SLC25A15: variants seen among roughly 807,000 people sequenced by gnomAD.
The protein encoded by SLC25A15 is solute carrier family 25 member 15.
SLC25A15 carries 24 observed loss-of-function variants against 32.3 expected under a neutral mutation model. The ratio of observed to expected loss-of-function variants is 0.74; its 90% CI spans 0.54 to 1.04. SLC25A15 has a LOEUF of 1.04. Ranked by LOEUF, SLC25A15 falls within the 50% of genes least tolerant of loss-of-function variation. SLC25A15 has a pLI of 0.00. For missense variants in SLC25A15, 317 were observed against 374.5 expected, an observed-to-expected ratio of 0.85 and a Z score of 1.27; for synonymous variants, 132 against 142.1, an observed-to-expected ratio of 0.93 and a Z score of 0.51.
intron 2 of SLC25A15, among the ~76,000 whole-genome samples, chr13:40,795,237 GTTCTGT>G (rs1456997565): frequency 4.6e-5 from 7 of 152,220 alleles, no homozygotes. Context: ...CTTGGGCTCA[GTTCTGT>G]TTCTGCAGAA....
chr13:40,794,940 C>A (rs901752456), intron 2 of SLC25A15, among the ~76,000 whole-genome samples: 1 of 152,202 alleles, frequency 6.6e-6, no homozygotes, highest in Non-Finnish European at 1.5e-5. Flanking sequence ...ATGAGGAAGA[C>A]TGGAGAGAGC....
intron 4 of SLC25A15, among the ~76,000 whole-genome samples, chr13:40,806,895 A>G (rs1483650429): frequency 6.6e-6 from 1 of 152,250 alleles, no homozygotes; most frequent in African/African-American, 2.4e-5. Flanking sequence ...GTGCTTCTGC[A>G]TAACAGGAGC....
rs1196188088 is a variant in SLC25A15 at position 40,812,068 on chromosome 13, A to G, written c.*2401A>G. On this transcript the variant is annotated 3_prime_UTR_variant, in exon 7 of 7. Coordinates refer to ENST00000338625, the MANE Select transcript of SLC25A15 (RefSeq NM_014252.4). ...CTTTTCTCTCCATACTTAAATGGTC[A>G]GTAGCTACTGAGTGGTGCTTTATCT... 6.6e-6 allele frequency among the ~76,000 whole-genome samples: 1 copy of G among 152,328 alleles called. No homozygotes were observed. The highest frequency in any genetic ancestry group is 3.4e-3 in the Middle Eastern group (1 of 294).
chr13:40,792,839 C>T (rs1593288166), intron 1 of SLC25A15, among the ~76,000 whole-genome samples: 1 of 152,186 alleles, frequency 6.6e-6, no homozygotes, highest in East Asian at 1.9e-4. Context: ...CAACATAGGC[C>T]TCTAAAAAAA....
chr13:40,794,600 G>A (rs1881612861), intron 2 of SLC25A15, among the ~76,000 whole-genome samples: 1 of 152,182 alleles, frequency 6.6e-6, no homozygotes, highest in African/African-American at 2.4e-5. Context: ...AAACAGGGCG[G>A]AATGGGAAGT....
chr13:40,805,029 C>T (rs1025347553), intron 3 of SLC25A15, 89 bp from the exon 4 acceptor site: 4 of 1,549,466 alleles, frequency 2.6e-6, no homozygotes, highest in Middle Eastern at 2.2e-4. Flanking sequence ...CGGCTCCTTA[C>T]CCTGCTTTAT....
rs1200322551 is a variant in SLC25A15 at position 40,792,834 on chromosome 13, T to C, written c.-69-324T>C. On this transcript the variant is annotated intron_variant, in intron 1 of 6. Transcript: ENST00000338625. Reference sequence around the variant, plus strand: ...AGCCTGTTCAATTGATGGCTCAACATAGGCCTCTAAAAAAACAAGTCTGAT... The same window carrying C: ...AGCCTGTTCAATTGATGGCTCAACACAGGCCTCTAAAAAAACAAGTCTGAT... Among the ~76,000 whole-genome samples the C allele has an allele frequency of 3.9e-5, 6 of 152,208 alleles. No individual in the cohort carries two copies. In the East Asian group the frequency reaches 5.8e-4, roughly 15 times the overall value.
At chr13:40,801,107 T>C (rs1566122125) in intron 3 of SLC25A15, among the ~76,000 whole-genome samples, 1 of 151,646 alleles carries the variant, frequency 6.6e-6, no homozygotes, top group Non-Finnish European at 1.5e-5. Context: ...GTAGCACATG[T>C]CTGTGGTCCC....
Position 40,809,608 on chromosome 13 carries a change from CT to C in SLC25A15, c.848del (p.Leu283ProfsTer11). ...TCGAGCATTCCCTGCCAATGGAGCACTCTTTTTGGCCTACGAATATAGCAGG... is the reference window on the plus strand; with the variant it reads ...TCGAGCATTCCCTGCCAATGGAGCACCTTTTTGGCCTACGAATATAGCAGG... ...MIRAFPANGALFLAYEYSRKL... is the reference protein window; with the variant it reads ...MIRAFPANGAXFLAYEYSRKL... On this transcript the variant is annotated frameshift_variant, in exon 7 of 7. Coordinates refer to ENST00000338625, the MANE Select transcript of SLC25A15 (RefSeq NM_014252.4). LOFTEE classifies it high-confidence loss of function. The C allele has an allele frequency of 1.2e-6, 2 of 1,612,408 alleles. No individual in the cohort carries two copies. The highest frequency in any genetic ancestry group is 1.7e-6 in the Non-Finnish European group (2 of 1,179,774).
intron 3 of SLC25A15, among the ~76,000 whole-genome samples, chr13:40,801,076 TACAAA>T (rs1881865811): frequency 2.0e-5 from 3 of 151,664 alleles, no homozygotes; most frequent in African/African-American, 7.3e-5. Context: ...CTACAAAAAA[TACAAA>T]ACTTAGCTGA....
At chr13:40,808,332 C>A in intron 5 of SLC25A15, 106 bp from the exon 6 acceptor site, 1 of 940,424 alleles carries the variant, frequency 1.1e-6, no homozygotes, top group Non-Finnish European at 1.7e-6. Flanking sequence ...GTAGCATTAG[C>A]ATTTTTATTT....
At chr13:40,793,851 A>G (rs1400459522) in intron 2 of SLC25A15, among the ~76,000 whole-genome samples, 1 of 152,266 alleles carries the variant, frequency 6.6e-6, no homozygotes, top group Non-Finnish European at 1.5e-5. Context: ...TGCCCAGTAC[A>G]GCTGGAAAAC....
intron 3 of SLC25A15, 151 bp from the exon 4 acceptor site, chr13:40,804,967 T>C (rs1455095801): frequency 5.7e-6 from 5 of 872,686 alleles, no homozygotes; most frequent in Non-Finnish European, 9.6e-6. Context: ...CAAGTGATCC[T>C]CCCACCTCAG....
intron 2 of SLC25A15, among the ~76,000 whole-genome samples, chr13:40,798,506 G>T (rs1881747331): frequency 6.6e-6 from 1 of 152,110 alleles, no homozygotes; most frequent in African/African-American, 2.4e-5. Context: ...CCGTGGTGCC[G>T]GGTCTGATCA....
At chr13:40,806,099 G>A (rs1289924742) in intron 4 of SLC25A15, among the ~76,000 whole-genome samples, 51 of 152,136 alleles carry the variant, frequency 3.4e-4, no homozygotes. Context: ...CTGCACCCTT[G>A]AGATTCATTA....
chr13:40,799,298 C>G lies in SLC25A15; in HGVS notation c.297C>G (p.Asp99Glu). The G allele has an allele frequency of 6.2e-7, 1 of 1,614,114 alleles. No individual in the cohort carries two copies. Among genetic ancestry groups the G allele is most frequent in the Non-Finnish European group, 8.5e-7 (1 of 1,180,030 alleles). ...QQVVRKVAGL[D>E]KQAKLSDLQN... The stretch of plus-strand genomic sequence containing the variant: ...TGGTGCGGAAAGTGGCTGGATTGGA[C>G]AAGCAGGCAAAGCTGAGGTGAGTCA... Residue 99 changes from aspartate (D) to glutamate (E), a missense_variant, in exon 3 of 7, where the codon GAC (aspartate) becomes GAG (glutamate). Coordinates refer to ENST00000338625, the MANE Select transcript of SLC25A15 (RefSeq NM_014252.4).
Position 40,808,565 on chromosome 13 carries a change from C to T in SLC25A15, c.750C>T (p.Ile250=). 6.2e-7 allele frequency: 1 copy of T among 1,608,526 alleles called. No homozygotes were observed. The highest frequency in any genetic ancestry group is 8.5e-7 in the Non-Finnish European group (1 of 1,179,790). ...LSMSGKQAGF[I]RTFINVVKNE... ...TGTCTGGAAAACAGGCAGGATTTAT[C>T]AGAACCTTTATAAATGTTGTGAAAA... Residue 250 remains isoleucine, a synonymous_variant, in exon 6 of 7, where the codon ATC becomes ATT. Transcript: ENST00000338625.
Position 40,792,683 on chromosome 13 carries a change from C to T in SLC25A15, c.-69-475C>T, listed in dbSNP as rs1881553179. 4.6e-5 allele frequency among the ~76,000 whole-genome samples: 7 copies of T among 152,302 alleles called. 1 individual carries two copies. In the South Asian group the frequency reaches 1.5e-3, roughly 32 times the overall value. On this transcript the variant is annotated intron_variant, in intron 1 of 6. Coordinates refer to ENST00000338625, the MANE Select transcript of SLC25A15 (RefSeq NM_014252.4). ...ACACTGCAGGTAGAGCAGGCATTCA[C>T]CAAGGCGTGTGTGATCCCAGGGTGC...
chr13:40,791,960 C>T (rs921091210), intron 1 of SLC25A15, among the ~76,000 whole-genome samples: 12 of 152,160 alleles, frequency 7.9e-5, no homozygotes, highest in African/African-American at 2.9e-4. Context: ...GCTTGGTGTT[C>T]ATCTCTGATC....
Sources: allele counts gnomAD v4.1 joint callset (sites outside exome capture counted in the v4.1 genomes callset), GRCh38; gene constraint gnomAD v4.1.1; transcripts MANE v1.5; gene names NCBI Gene and HGNC (gene_info 2026-07-23, HGNC 2026-07-21).